The following CELF2 variants were observed in gnomAD, a reference collection of about 807,000 sequenced individuals.
The protein encoded by CELF2 is CUG triplet repeat RNA-binding protein 2.
In CELF2, 8 loss-of-function variants were observed where a neutral mutation model predicts 62.6. The ratio of observed to expected loss-of-function variants is 0.13; its 90% CI spans 0.07 to 0.23. The LOEUF is 0.23. CELF2 is among the 10% of genes least tolerant of loss of function. The pLI, the probability that CELF2 is intolerant of heterozygous loss-of-function variation, is 1.00. For missense variants in CELF2, 333 were observed against 671.0 expected, an observed-to-expected ratio of 0.50 and a Z score of 5.56; for synonymous variants, 258 against 250.0, an observed-to-expected ratio of 1.03 and a Z score of -0.30.
chr10:10,673,808 T>C, the CELF2 span, among the ~76,000 whole-genome samples: 7 of 152,236 alleles, frequency 4.6e-5, no homozygotes, highest in African/African-American at 1.7e-4. Context: ...GTCTATTTTT[T>C]AATCTCCACA....
Position 11,329,837 on chromosome 10 carries a change from TAAATA to T in CELF2, c.*787_*791del, listed in dbSNP as rs1417941532. ...TCTTGAAAGATAAATTTAATAATAATAAATAAATACATAAATACATAAATAAAAAA... is the reference window on the plus strand; with the variant it reads ...TCTTGAAAGATAAATTTAATAATAATAATACATAAATACATAAATAAAAAA... On this transcript the variant is annotated 3_prime_UTR_variant, in exon 13 of 13. Coordinates refer to ENST00000633077, the MANE Select transcript of CELF2 (RefSeq NM_001326342.2). The surrounding 1 kb of genome is among the most constrained non-coding windows in gnomAD (Gnocchi z 5.5). 6.6e-6 allele frequency: 1 copy of T among 151,932 alleles called. No homozygotes were observed. Among genetic ancestry groups the T allele is most frequent in the African/African-American group, 2.4e-5 (1 of 41,392 alleles). 9.4% of individuals were successfully genotyped at this position (151,932 alleles called of 1,614,324 possible).
intron 2 of CELF2, among the ~76,000 whole-genome samples, chr10:10,977,136 A>G (rs2051442691): frequency 6.6e-6 from 1 of 152,172 alleles, no homozygotes; most frequent in Admixed American, 6.5e-5. Flanking sequence ...GCCAGTAGCC[A>G]CAGGTGGATT....
intron 1 of CELF2, among the ~76,000 whole-genome samples, chr10:10,872,745 C>T (rs529236767): frequency 6.6e-6 from 1 of 152,052 alleles, no homozygotes; most frequent in Non-Finnish European, 1.5e-5. Context: ...TTTTTGCACC[C>T]ATGGGGTGAG....
the CELF2 span, among the ~76,000 whole-genome samples, chr10:10,607,668 A>G: frequency 2.0e-5 from 3 of 152,226 alleles, no homozygotes; most frequent in Non-Finnish European, 4.4e-5. Context: ...GAAAATGTAA[A>G]ATCCTTCAAA....
intron 1 of CELF2, among the ~76,000 whole-genome samples, chr10:11,051,939 C>T (rs1269885021): frequency 1.4e-5 from 2 of 146,042 alleles, no homozygotes; most frequent in Non-Finnish European, 3.0e-5. Context: ...GTCTCTGTGG[C>T]CCAGGCTGGA....
rs776169038 is a variant in CELF2 at position 10,936,204 on chromosome 10, A to C, written c.89+16205A>C. Among the ~76,000 whole-genome samples, 3 of 152,144 alleles carry C rather than the reference A, an allele frequency of 2.0e-5. No homozygotes were observed. Among genetic ancestry groups the C allele is most frequent in the Non-Finnish European group, 4.4e-5 (3 of 68,016 alleles). On this transcript the variant is annotated intron_variant, in intron 2 of 13. Coordinates refer to the CELF2 transcript ENST00000636488. This position sits in a 1 kb window ranked among gnomAD's most constrained non-coding sequence, Gnocchi z 4.0. ...AATAATAAAGAGAGAGAAAAGAAAG[A>C]AACAATAAGTCTTGCAGAGGTTAGA...
At chr10:11,027,489 C>T (rs1344094187) in intron 1 of CELF2, among the ~76,000 whole-genome samples, 1 of 151,158 alleles carries the variant, frequency 6.6e-6, no homozygotes, top group African/African-American at 2.4e-5. Context: ...TTTTTATCTT[C>T]ACCTCGGTTG....
intron 1 of CELF2, among the ~76,000 whole-genome samples, chr10:10,850,608 C>A (rs982925556): frequency 6.6e-5 from 10 of 152,050 alleles, no homozygotes; most frequent in Non-Finnish European, 4.4e-5. Context: ...TGTTGGAGAG[C>A]CACAAAAGAT....
At chr10:11,253,273 C>G (rs2077678865) in intron 4 of CELF2, among the ~76,000 whole-genome samples, 1 of 152,180 alleles carries the variant, frequency 6.6e-6, no homozygotes. Flanking sequence ...TCTTTAACGC[C>G]TAGAACCCAG....
intron 2 of CELF2, chr10:10,922,777 C>T (rs2065044504): frequency 1.3e-5 from 2 of 152,198 alleles, no homozygotes; most frequent in Admixed American, 1.3e-4. Flanking sequence ...AATTTGCAAT[C>T]ACTGTACTGC....
chr10:10,815,976 G>A (rs1030164246), intron 1 of CELF2, among the ~76,000 whole-genome samples: 1 of 148,826 alleles, frequency 6.7e-6, no homozygotes, highest in Non-Finnish European at 1.5e-5. Context: ...TTTGGCAGAC[G>A]ATGTTTTATC....
chr10:11,170,963 A>G (rs1217318110), intron 2 of CELF2, among the ~76,000 whole-genome samples: 2 of 152,204 alleles, frequency 1.3e-5, no homozygotes, highest in Non-Finnish European at 2.9e-5. Flanking sequence ...ATAGATTAAA[A>G]TCACTTGGCA....
chr10:11,129,404 G>A (rs1209734870), intron 1 of CELF2, among the ~76,000 whole-genome samples: 1 of 152,192 alleles, frequency 6.6e-6, no homozygotes, highest in Non-Finnish European at 1.5e-5. Context: ...AAATGAGTTA[G>A]GGAGGATTCC....
intron 2 of CELF2, among the ~76,000 whole-genome samples, chr10:11,167,676 C>T (rs2067630671): frequency 6.6e-6 from 1 of 152,248 alleles, no homozygotes. Context: ...CTTCTGTTCA[C>T]TGTGCCTGAT....
chr10:10,618,509 G>A, the CELF2 span, among the ~76,000 whole-genome samples: 10 of 152,174 alleles, frequency 6.6e-5, no homozygotes, highest in African/African-American at 2.4e-4. Context: ...ATATAATTGA[G>A]TTCAATGATC....
intron 1 of CELF2, among the ~76,000 whole-genome samples, chr10:11,163,064 A>T (rs2066091174): frequency 6.6e-6 from 1 of 152,172 alleles, no homozygotes; most frequent in African/African-American, 2.4e-5. Context: ...GGCATGAGGC[A>T]TTGGCCGGCT....
chr10:10,765,488 T>C, the CELF2 span, among the ~76,000 whole-genome samples: 1 of 152,188 alleles, frequency 6.6e-6, no homozygotes, highest in African/African-American at 2.4e-5. Flanking sequence ...CACACTTACC[T>C]GTGCCCTTGC....
chr10:10,961,149 T>G (rs542152937), intron 2 of CELF2, among the ~76,000 whole-genome samples: 1 of 152,258 alleles, frequency 6.6e-6, no homozygotes, highest in Admixed American at 6.5e-5. Context: ...GTTGTTCTTT[T>G]TCCTAAAAAA....
intron 2 of CELF2, chr10:10,946,112 C>A (rs1233822346): frequency 6.6e-6 from 1 of 152,628 alleles, no homozygotes; most frequent in Non-Finnish European, 1.5e-5. Context: ...GAAAGGTTAC[C>A]CAGATTAACA....
Sources: gnomAD v4.1 joint callset for allele counts (sites outside exome capture counted in the v4.1 genomes callset) on GRCh38, gnomAD v4.1.1 for gene constraint, Gnocchi (gnomAD v3.1) non-coding constraint, MANE v1.5 for transcripts, NCBI Gene and HGNC (gene_info 2026-07-23, HGNC 2026-07-21) for gene names.